MYO1B: variants seen among roughly 807,000 people sequenced by gnomAD.
The protein encoded by MYO1B is unconventional myosin-Ib.
MYO1B carries 72 observed loss-of-function variants against 159.7 expected under a neutral mutation model. That is an observed-to-expected ratio of 0.45 (90% CI 0.37 to 0.55). The LOEUF (loss-of-function observed/expected upper bound fraction) is 0.55. Among genes scored for constraint, MYO1B ranks in the 20% least tolerant of loss-of-function variants. MYO1B has a pLI of 0.00. For missense variants in MYO1B, 1,062 were observed against 1,364.8 expected, an observed-to-expected ratio of 0.78 and a Z score of 3.50; for synonymous variants, 468 against 473.8, an observed-to-expected ratio of 0.99 and a Z score of 0.16.
intron 7 of MYO1B, among the ~76,000 whole-genome samples, chr2:191,357,387 G>T (rs918312424): frequency 6.6e-6 from 1 of 152,058 alleles, no homozygotes; most frequent in Non-Finnish European, 1.5e-5. Flanking sequence ...GCAGTGGGGC[G>T]GGGGGCAAGT....
At chr2:191,323,275 T>C (rs1690848027) in intron 3 of MYO1B, among the ~76,000 whole-genome samples, 1 of 152,166 alleles carries the variant, frequency 6.6e-6, no homozygotes, top group East Asian at 1.9e-4. Context: ...ATGACTTGTA[T>C]CTTGTGCTGA....
intron 15 of MYO1B, among the ~76,000 whole-genome samples, chr2:191,384,437 T>C (rs1236113996): frequency 2.0e-5 from 3 of 152,240 alleles, no homozygotes; most frequent in African/African-American, 4.8e-5. Context: ...GTATTTTTTT[T>C]CCTCAGTATT....
intron 1 of MYO1B, among the ~76,000 whole-genome samples, chr2:191,276,157 C>T (rs1687739763): frequency 6.6e-6 from 1 of 152,188 alleles, no homozygotes; most frequent in African/African-American, 2.4e-5. Context: ...GTAGAGGCCA[C>T]TTTTATCAGG....
intron 13 of MYO1B, among the ~76,000 whole-genome samples, chr2:191,373,333 A>C (rs1262530674): frequency 6.6e-6 from 1 of 152,174 alleles, no homozygotes. Flanking sequence ...CAACCTTTTT[A>C]AAGCTCTGAG....
rs1233156624 is a variant in MYO1B at position 191,419,632 on chromosome 2, TAGG to T, written c.3287+3393_3287+3395del. On this transcript the variant is annotated intron_variant, in intron 30 of 30. Coordinates refer to ENST00000392318, the MANE Select transcript of MYO1B (RefSeq NM_001130158.3). ...GGTATTTCAGAAGGCATTGTTATCT[TAGG>T]AGAAGACAGCCCCATGTGTATTATT... Among the ~76,000 whole-genome samples, 14 of 152,272 alleles carry T rather than the reference TAGG, an allele frequency of 9.2e-5. No individual in the cohort carries two copies. In the South Asian group the frequency reaches 2.1e-3, roughly 23 times the overall value.
intron 7 of MYO1B, among the ~76,000 whole-genome samples, chr2:191,359,046 A>G (rs1197538507): frequency 6.6e-6 from 1 of 152,252 alleles, no homozygotes; most frequent in Non-Finnish European, 1.5e-5. Flanking sequence ...GGAATTTCCT[A>G]TAAAAATTAG....
At chr2:191,394,369 C>A (rs1214651695) in intron 20 of MYO1B, among the ~76,000 whole-genome samples, 1 of 152,156 alleles carries the variant, frequency 6.6e-6, no homozygotes, top group Admixed American at 6.5e-5. Flanking sequence ...GGAGGACCAA[C>A]AAGAGGACCA....
rs1697107406 is a variant in MYO1B, at chr2:191,409,180, T to TA, written c.2766+8dup. On this transcript the variant is annotated splice_region_variant and intron_variant, in intron 26 of 30. Coordinates refer to ENST00000392318, the MANE Select transcript of MYO1B (RefSeq NM_001130158.3). ...AAAAGGATTTTCCACTTGTGGAGGG[T>TA]AAAAAATGTCATATTACATCTTTTC... 6.2e-7 allele frequency: 1 copy of TA among 1,601,468 alleles called. No individual in the cohort carries two copies. Among genetic ancestry groups the TA allele is most frequent in the Non-Finnish European group, 8.5e-7 (1 of 1,176,916 alleles).
intron 3 of MYO1B, among the ~76,000 whole-genome samples, chr2:191,326,040 TA>T (rs1219121856): frequency 1.3e-5 from 2 of 152,266 alleles, no homozygotes; most frequent in African/African-American, 2.4e-5. Context: ...AAGAAGAGGA[TA>T]AAACCATGCC....
intron 3 of MYO1B, among the ~76,000 whole-genome samples, chr2:191,315,871 C>T (rs1690314029): frequency 6.6e-6 from 1 of 152,194 alleles, no homozygotes; most frequent in African/African-American, 2.4e-5. Context: ...GGCTGTCACC[C>T]TTGGCTGTCT....
At chr2:191,260,018 G>A (rs1686699404) in intron 1 of MYO1B, among the ~76,000 whole-genome samples, 1 of 152,088 alleles carries the variant, frequency 6.6e-6, no homozygotes. Context: ...AGAGGGTAGA[G>A]TGAGAAGAGG....
In MYO1B at chr2:191,385,887, A is replaced by T. The variant is rs755778819; in HGVS notation, c.1357A>T (p.Thr453Ser). The T allele has an allele frequency of 6.2e-7, 1 of 1,613,894 alleles. No individual in the cohort carries two copies. Among genetic ancestry groups the T allele is most frequent in the South Asian group, 1.1e-5 (1 of 91,044 alleles). ...AIICDLIENN[T>S]NGILAMLDEE... ...TTTTTTATTTCCGTTTTCCCAGAAC[A>T]CAAATGGAATCCTGGCCATGCTGGA... The change falls in exon 16 of 31, where the codon ACA (threonine) becomes TCA (serine). Residue 453 changes from threonine (T) to serine (S), a missense_variant. Transcript: ENST00000392318.
chr2:191,259,922 A>G (rs1321871269), intron 1 of MYO1B, among the ~76,000 whole-genome samples: 2 of 152,130 alleles, frequency 1.3e-5, no homozygotes, highest in African/African-American at 4.8e-5. Context: ...TCCGGAGCTT[A>G]GGGAAAAGCC....
chr2:191,263,489 T>G (rs1405341352), intron 1 of MYO1B: 1 of 198,554 alleles, frequency 5.0e-6, no homozygotes, highest in Non-Finnish European at 9.0e-6. Context: ...GACGTAAGGG[T>G]AGAAATGTAA....
intron 20 of MYO1B, among the ~76,000 whole-genome samples, chr2:191,395,670 T>C (rs1696027674): frequency 6.6e-6 from 1 of 152,222 alleles, no homozygotes; most frequent in Non-Finnish European, 1.5e-5. Flanking sequence ...CCTCTGGGCA[T>C]TGAGCTTGTT....
intron 1 of MYO1B, among the ~76,000 whole-genome samples, chr2:191,274,950 C>G (rs1259574120): frequency 1.3e-5 from 2 of 152,106 alleles, no homozygotes; most frequent in Non-Finnish European, 2.9e-5. Flanking sequence ...CTCTGTTGCC[C>G]AGGCTGGATT....
At chr2:191,394,558 C>T (rs1249568502) in intron 20 of MYO1B, among the ~76,000 whole-genome samples, 2 of 152,054 alleles carry the variant, frequency 1.3e-5, no homozygotes, top group Non-Finnish European at 1.5e-5. Flanking sequence ...AAAGACAATA[C>T]GCATTTAAGC....
chr2:191,369,231 C>T (rs1305406503), intron 11 of MYO1B, among the ~76,000 whole-genome samples: 1 of 152,076 alleles, frequency 6.6e-6, no homozygotes, highest in Non-Finnish European at 1.5e-5. Flanking sequence ...CTCTTACTAC[C>T]CCCTATTGTT....
At chr2:191,258,530 C>T (rs903530663) in intron 1 of MYO1B, among the ~76,000 whole-genome samples, 3 of 152,098 alleles carry the variant, frequency 2.0e-5, no homozygotes, top group Admixed American at 6.5e-5. Context: ...CGTCACTAGT[C>T]GATAGGAATT....
Sources: gnomAD v4.1 joint callset for allele counts (sites outside exome capture counted in the v4.1 genomes callset) on GRCh38, gnomAD v4.1.1 for gene constraint, MANE v1.5 for transcripts, NCBI Gene and HGNC (gene_info 2026-07-23, HGNC 2026-07-21) for gene names.